TBC1D1: variants seen among roughly 807,000 people sequenced by gnomAD.
TBC1D1 encodes the protein TBC1 domain family member 1, also known as TBC1 (tre-2/USP6, BUB2, cdc16) domain family, member 1.
Under a neutral mutation model 125.6 loss-of-function variants are expected in TBC1D1, and 89 were observed. The observed-to-expected ratio is 0.71, with a 90% CI of 0.60 to 0.85. The LOEUF (loss-of-function observed/expected upper bound fraction) is 0.85, where lower values mean the gene tolerates loss of function less well. Ranked by LOEUF, TBC1D1 falls within the 40% of genes least tolerant of loss-of-function variation. TBC1D1 has a pLI of 0.00. For synonymous variants in TBC1D1, 565 were observed against 564.1 expected (o/e 1.00, Z -0.02); for missense variants, 1,377 against 1,469.2 (o/e 0.94, Z 1.03).
chr4:38,018,730 C>G (rs1743353338), intron 4 of TBC1D1, among the ~76,000 whole-genome samples: 1 of 152,132 alleles, frequency 6.6e-6, no homozygotes, highest in Non-Finnish European at 1.5e-5. Context: ...CTTCCAGATG[C>G]ACATGTGTGT....
intron 8 of TBC1D1, among the ~76,000 whole-genome samples, chr4:38,038,975 G>T (rs1747770220): frequency 6.6e-6 from 1 of 150,954 alleles, no homozygotes; most frequent in African/African-American, 2.4e-5. Context: ...CATCCTACCA[G>T]AAAGTAGCCC....
At chr4:37,996,069 AG>A (rs2152396426) in intron 2 of TBC1D1, 1 of 514,720 alleles carries the variant, frequency 1.9e-6, no homozygotes, top group East Asian at 5.4e-5. Context: ...TCCTTTTGCA[AG>A]GCCTATGTGG....
At chr4:38,110,715 C>T (rs1560811197) in intron 15 of TBC1D1, 1 of 985,412 alleles carries the variant, frequency 1.0e-6, no homozygotes, top group Non-Finnish European at 1.2e-6. Context: ...TGTAAAGGAC[C>T]TGCACTTCTC....
chr4:37,994,530 C>G (rs938989249), intron 2 of TBC1D1, among the ~76,000 whole-genome samples: 12 of 152,184 alleles, frequency 7.9e-5, no homozygotes, highest in African/African-American at 2.7e-4. Flanking sequence ...AGACGTGAAC[C>G]ACCATGCCCA....
At chr4:38,048,862 A>G (rs1749958920) in intron 10 of TBC1D1, among the ~76,000 whole-genome samples, 3 of 152,312 alleles carry the variant, frequency 2.0e-5, no homozygotes, top group Admixed American at 6.5e-5. Context: ...AAGGCATACA[A>G]CTTTAAAATA....
intron 1 of TBC1D1, among the ~76,000 whole-genome samples, chr4:37,899,128 C>T (rs1449968868): frequency 6.6e-6 from 1 of 152,050 alleles, no homozygotes; most frequent in Non-Finnish European, 1.5e-5. Context: ...AAGGATGGGG[C>T]ACCTTTTCTC....
chr4:38,044,730 C>T (rs778457528), intron 9 of TBC1D1, among the ~76,000 whole-genome samples: 13 of 151,968 alleles, frequency 8.6e-5, no homozygotes, highest in African/African-American at 2.4e-5. Context: ...TTTTTTGCCG[C>T]TCCAAAGAAT....
At chr4:38,125,810 A>G (rs1002373347) in intron 18 of TBC1D1, among the ~76,000 whole-genome samples, 1 of 152,232 alleles carries the variant, frequency 6.6e-6, no homozygotes. Context: ...AGAACCTGCC[A>G]GTAATGGCTG....
intron 5 of TBC1D1, 115 bp downstream of exon 5, chr4:38,020,810 C>G: frequency 1.3e-6 from 1 of 799,490 alleles, no homozygotes; most frequent in South Asian, 1.6e-5. Context: ...CATTATTTGT[C>G]TTTAGTTATT....
intron 7 of TBC1D1, 51 bp from the exon 8 acceptor site, chr4:38,035,537 A>G (rs1459425153): frequency 6.9e-7 from 1 of 1,455,980 alleles, no homozygotes; most frequent in Non-Finnish European, 9.6e-7. Flanking sequence ...ACGGCTTAGC[A>G]ATATTGTTGA....
intron 12 of TBC1D1, among the ~76,000 whole-genome samples, chr4:38,083,114 C>T (rs1319178074): frequency 2.0e-5 from 3 of 152,124 alleles, no homozygotes; most frequent in Admixed American, 6.5e-5. Flanking sequence ...CCCTTCTTCT[C>T]ACTGTTTGGT....
chr4:38,049,934 G>T, intron 11 of TBC1D1, 36 bp downstream of exon 11: 4 of 1,582,442 alleles, frequency 2.5e-6, no homozygotes, highest in Non-Finnish European at 3.4e-6. Flanking sequence ...TAAATAGCTG[G>T]GGCATATCTG....
At chr4:38,133,015 C>T in intron 18 of TBC1D1, 69 bp from the exon 21 acceptor site, 1 of 1,440,570 alleles carries the variant, frequency 6.9e-7, no homozygotes. Context: ...GTCGTGATTG[C>T]AGACGCCTGC....
chr4:38,020,555 G>T (rs1743790060), intron 4 of TBC1D1, 36 bp from the exon 5 acceptor site: 1 of 1,560,492 alleles, frequency 6.4e-7, no homozygotes, highest in South Asian at 1.1e-5. Context: ...GCGTCTTCTG[G>T]ATACAACTGA....
At chr4:37,963,012 A>G (rs1328138667) in intron 2 of TBC1D1, among the ~76,000 whole-genome samples, 2 of 152,130 alleles carry the variant, frequency 1.3e-5, no homozygotes, top group African/African-American at 4.8e-5. Context: ...TTTTTTTCAG[A>G]TGTCTCTTTG....
chr4:38,053,444 T>C (rs757778965), intron 11 of TBC1D1, among the ~76,000 whole-genome samples: 76 of 152,386 alleles, frequency 5.0e-4, no homozygotes, highest in Middle Eastern at 6.8e-3. Flanking sequence ...TTAAGTGTTA[T>C]CTTAAGAAAA....
At chr4:38,111,586 A>G (rs1762210836) in intron 15 of TBC1D1, among the ~76,000 whole-genome samples, 1 of 152,240 alleles carries the variant, frequency 6.6e-6, no homozygotes, top group Non-Finnish European at 1.5e-5. Context: ...ATTTAATAGA[A>G]TCCGCTGAAT....
chr4:37,979,677 C>CT (rs1459653607), intron 2 of TBC1D1, among the ~76,000 whole-genome samples: 3 of 152,240 alleles, frequency 2.0e-5, no homozygotes, highest in Admixed American at 2.0e-4. Flanking sequence ...TTTCCTTTTC[C>CT]TTTTTCATTT....
chr4:38,075,051 G>A (rs1019856101), intron 12 of TBC1D1, among the ~76,000 whole-genome samples: 6 of 152,120 alleles, frequency 3.9e-5, no homozygotes, highest in African/African-American at 1.4e-4. Context: ...GAGCCACCGC[G>A]CCTGGCCACA....
Sources: allele counts gnomAD v4.1 joint callset (sites outside exome capture counted in the v4.1 genomes callset), GRCh38; gene constraint gnomAD v4.1.1; transcripts MANE v1.5; gene names NCBI Gene and HGNC (gene_info 2026-07-23, HGNC 2026-07-21).